The following MPEG1 variants were observed in gnomAD, a reference collection of about 807,000 sequenced individuals.
MPEG1 encodes macrophage expressed 1, also known as macrophage-expressed gene 1 protein.
For missense variants in MPEG1, 876 were observed against 880.3 expected (o/e 1.00, Z 0.06); for synonymous variants, 365 against 351.9 (o/e 1.04, Z -0.42).
At position 59,211,633 on chromosome 11, in the gene MPEG1, G is replaced by T; in HGVS notation, c.1233C>A (p.Ser411=). 2 of 1,614,214 alleles carry T rather than the reference G, an allele frequency of 1.2e-6. No individual in the cohort carries two copies. Among genetic ancestry groups the T allele is most frequent in the Non-Finnish European group, 1.7e-6 (2 of 1,180,038 alleles). Residue 411 remains serine (S), a synonymous_variant, in exon 1 of 1, where the codon TCC becomes TCA. Transcript: ENST00000361050. Reference sequence around the variant, plus strand: ...GCACCGGGGAGTAGCCAGAGGGGCAGGAGAAATCACCAGTGAGTGGATTCT... The same window carrying T: ...GCACCGGGGAGTAGCCAGAGGGGCATGAGAAATCACCAGTGAGTGGATTCT... The part of the protein sequence containing the change: ...EQKNPLTGDF[S]CPSGYSPVHL...
Position 59,211,399 on chromosome 11 carries a change from G to T in MPEG1, c.1467C>A (p.Asn489Lys), listed in dbSNP as rs1862889134. The change falls in exon 1 of 1, where the codon AAC becomes AAA. Residue 489 changes from asparagine (N) to lysine (K), a missense_variant. By Grantham distance (94) the Asn-to-Lys change is moderately conservative. Coordinates refer to ENST00000361050, the MANE Select transcript of MPEG1 (RefSeq NM_001039396.2). ...GGCATGACTGTGCATTTGTCATGGGGTTTATGCTCTTGCTGCTGAAGAGGC... is the reference window on the plus strand; with the variant it reads ...GGCATGACTGTGCATTTGTCATGGGTTTTATGCTCTTGCTGCTGAAGAGGC... ...FGGLFSSKSINPMTNAQSCPA... is the reference protein window; with the variant it reads ...FGGLFSSKSIKPMTNAQSCPA... The T allele has an allele frequency of 6.2e-7, 1 of 1,614,200 alleles. No individual in the cohort carries two copies. Among genetic ancestry groups the T allele is most frequent in the Non-Finnish European group, 8.5e-7 (1 of 1,180,044 alleles).
Position 59,210,891 on chromosome 11 carries a change from C to T in MPEG1, c.1975G>A (p.Gly659Arg), listed in dbSNP as rs1192026833. 1.2e-6 allele frequency: 2 copies of T among 1,614,186 alleles called. No homozygotes were observed. Among genetic ancestry groups the T allele is most frequent in the Non-Finnish European group, 1.7e-6 (2 of 1,180,032 alleles). ...ATGGTGGTGACCCCCACTGTGACCCCAGCTGCAGCCCCTCCTGACAGACCA... is the reference window on the plus strand; with the variant it reads ...ATGGTGGTGACCCCCACTGTGACCCTAGCTGCAGCCCCTCCTGACAGACCA... ...GGGLSGGAAAGVTVGVTTILA... is the reference protein window; with the variant it reads ...GGGLSGGAAARVTVGVTTILA... Residue 659 changes from glycine (G) to arginine (R), a missense_variant, in exon 1 of 1, where the codon GGG (glycine) becomes AGG (arginine). Transcript: ENST00000361050.
Position 59,211,063 on chromosome 11 carries a change from G to A in MPEG1, c.1803C>T (p.Leu601=). The A allele has an allele frequency of 6.2e-7, 1 of 1,614,222 alleles. No individual in the cohort carries two copies. Among genetic ancestry groups the A allele is most frequent in the Admixed American group, 1.7e-5 (1 of 60,028 alleles). The change falls in exon 1 of 1, where the codon CTC becomes CTT. Residue 601 remains leucine (L), a synonymous_variant. Transcript: ENST00000361050. The part of the protein sequence containing the change: ...ARLPPFTRPP[L]MSQAATNTVI... ...CAGTATTGGTGGCAGCCTGACTCAT[G>A]AGGGGTGGCCGGGTGAAAGGTGGGA...
rs376844389 is a variant in MPEG1, at chr11:59,210,828, G to A, written c.2038C>T (p.Arg680Trp). 5.9e-5 allele frequency: 95 copies of A among 1,613,922 alleles called. No individual in the cohort carries two copies. The highest frequency in any genetic ancestry group is 8.9e-5 in the East Asian group (4 of 44,884). The change falls in exon 1 of 1, where the codon CGG becomes TGG. Residue 680 changes from arginine to tryptophan, a missense_variant. Physicochemically the swap from Arg to Trp is moderately radical, Grantham distance 101. Transcript: ENST00000361050. ...TGATATGCTTTCTTCTTGAACTTCC[G>A]GGTGCCGTAGATGGCCAAGGTGATA... ...VVITLAIYGT[R>W]KFKKKAYQAI...
chr11:59,211,191 C>G lies in MPEG1; in HGVS notation c.1675G>C (p.Gly559Arg). 6.2e-7 allele frequency: 1 copy of G among 1,614,144 alleles called. No individual in the cohort carries two copies. Among genetic ancestry groups the G allele is most frequent in the Non-Finnish European group, 8.5e-7 (1 of 1,180,032 alleles). The change falls in exon 1 of 1, where the codon GGG (glycine) becomes CGG (arginine). Residue 559 changes from glycine to arginine, a missense_variant. Physicochemically the swap from Gly to Arg is moderately radical, Grantham distance 125 (BLOSUM62 -2). Transcript: ENST00000361050. ...AGGGCTGGGTGCTGGCTGAAGCCCC[C>G]GGGGCACTTTTTCAGAGACGGTGCC... ...LGAPSLKKCP[G>R]GFSQHPALIS... is the part of the protein sequence containing the mutation.
In MPEG1 at chr11:59,212,673, A is replaced by G. The variant is rs774096200; in HGVS notation, c.193T>C (p.Leu65=). The change falls in exon 1 of 1, where the codon TTG becomes CTG. Residue 65 remains leucine, a synonymous_variant. Transcript: ENST00000361050. ...RNVDMGRVME[L]TYSNCRTTED... is the part of the protein sequence containing the mutation. ...GTTGTCCTGCAGTTGGAGTAAGTCAATTCCATAACTCGTCCCATGTCCACA... is the reference window on the plus strand; with the variant it reads ...GTTGTCCTGCAGTTGGAGTAAGTCAGTTCCATAACTCGTCCCATGTCCACA... The G allele has an allele frequency of 1.2e-6, 2 of 1,614,198 alleles. No homozygotes were observed. Among genetic ancestry groups the G allele is most frequent in the Non-Finnish European group, 1.7e-6 (2 of 1,180,040 alleles).
Position 59,212,724 on chromosome 11 carries a change from C to G in MPEG1, c.142G>C (p.Gly48Arg). 6.2e-7 allele frequency: 1 copy of G among 1,614,228 alleles called. No individual in the cohort carries two copies. Among genetic ancestry groups the G allele is most frequent in the South Asian group, 1.1e-5 (1 of 91,082 alleles). ...LKLPVLEVLP[G>R]GGWDNLRNVD... ...TTCCGCAGATTGTCCCAGCCCCCTCCAGGTAGGACTTCCAGGACAGGTAGT... is the reference window on the plus strand; with the variant it reads ...TTCCGCAGATTGTCCCAGCCCCCTCGAGGTAGGACTTCCAGGACAGGTAGT... The change falls in exon 1 of 1, where the codon GGA (glycine) becomes CGA (arginine). Residue 48 changes from glycine (G) to arginine (R), a missense_variant. Coordinates refer to ENST00000361050, the MANE Select transcript of MPEG1 (RefSeq NM_001039396.2).
Position 59,211,465 on chromosome 11 carries a change from G to C in MPEG1, c.1401C>G (p.Ala467=). 11 of 1,614,180 alleles carry C rather than the reference G, an allele frequency of 6.8e-6. No individual in the cohort carries two copies. The South Asian group carries it at 1.2e-4, about 18-fold the overall frequency. ...KAEFRAFWCV[A]SSQVPENSGL... ...CTGAGTTTTCAGGTACTTGGCTGCT[G>C]GCCACACACCAAAAAGCCCTAAATT... The change falls in exon 1 of 1, where the codon GCC becomes GCG. Residue 467 remains alanine, a synonymous_variant. Transcript: ENST00000361050.
chr11:59,212,179 G>T lies in MPEG1; in HGVS notation c.687C>A (p.Ser229Arg). 6.2e-7 allele frequency: 1 copy of T among 1,614,084 alleles called. No homozygotes were observed. Among genetic ancestry groups the T allele is most frequent in the South Asian group, 1.1e-5 (1 of 91,086 alleles). Residue 229 changes from serine to arginine, a missense_variant, in exon 1 of 1, where the codon AGC (serine) becomes AGA (arginine). Physicochemically the swap from Ser to Arg is moderately radical, Grantham distance 110. Transcript: ENST00000361050. Reference protein sequence around the residue: ...DHLRASFLQDSQSSRSAVTAS... With the variant: ...DHLRASFLQDRQSSRSAVTAS... Reference sequence around the variant, plus strand: ...CGGTCACGGCACTACGACTGCTCTGGCTGTCTTGGAGGAAGGAGGCCCTGA... The same window carrying T: ...CGGTCACGGCACTACGACTGCTCTGTCTGTCTTGGAGGAAGGAGGCCCTGA...
In MPEG1 at chr11:59,212,643, C is replaced by T. The variant is rs751800564; in HGVS notation, c.223G>A (p.Asp75Asn). 4.3e-6 allele frequency: 7 copies of T among 1,614,212 alleles called. No homozygotes were observed. The South Asian group carries it at 7.7e-5, about 18-fold the overall frequency. ...TCATCAGGGATGATATACTGTCCAT[C>T]CTCTGTTGTCCTGCAGTTGGAGTAA... ...LTYSNCRTTE[D>N]GQYIIPDEIF... The change falls in exon 1 of 1, where the codon GAT (aspartate) becomes AAT (asparagine). Residue 75 changes from aspartate to asparagine, a missense_variant. Asp to Asn is a conservative substitution (Grantham distance 23). Coordinates refer to ENST00000361050, the MANE Select transcript of MPEG1 (RefSeq NM_001039396.2).
Position 59,212,847 on chromosome 11 carries a change from T to A in MPEG1, c.19A>T (p.Thr7Ser). Reference protein sequence around the residue: MNNFRATILFWAAAAWA... With the variant: MNNFRASILFWAAAAWA... ...GCTGCCGCTGCCCAGAAGAGGATGG[T>A]GGCCCTGAAGTTGTTCATGGCTCAG... Residue 7 changes from threonine (T) to serine (S), a missense_variant, in exon 1 of 1, where the codon ACC becomes TCC. By Grantham distance (58) the Thr-to-Ser change is moderately conservative. Coordinates refer to ENST00000361050, the MANE Select transcript of MPEG1 (RefSeq NM_001039396.2). 6.2e-7 allele frequency: 1 copy of A among 1,613,864 alleles called. No individual in the cohort carries two copies. Among genetic ancestry groups the A allele is most frequent in the Non-Finnish European group, 8.5e-7 (1 of 1,179,840 alleles).
Position 59,211,474 on chromosome 11 carries a change from C to G in MPEG1, c.1392G>C (p.Trp464Cys). 2.5e-6 allele frequency: 4 copies of G among 1,614,188 alleles called. No individual in the cohort carries two copies. Among genetic ancestry groups the G allele is most frequent in the Non-Finnish European group, 3.4e-6 (4 of 1,180,028 alleles). ...QVAKAEFRAF[W>C]CVASSQVPEN... Reference sequence around the variant, plus strand: ...CAGGTACTTGGCTGCTGGCCACACACCAAAAAGCCCTAAATTCAGCTTTTG... The same window carrying G: ...CAGGTACTTGGCTGCTGGCCACACAGCAAAAAGCCCTAAATTCAGCTTTTG... Residue 464 changes from tryptophan (W) to cysteine (C), a missense_variant, in exon 1 of 1, where the codon TGG (tryptophan) becomes TGC (cysteine). By Grantham distance (215) the Trp-to-Cys change is radical. Coordinates refer to ENST00000361050, the MANE Select transcript of MPEG1 (RefSeq NM_001039396.2).
rs569388941 is a variant in MPEG1 at position 59,211,008 on chromosome 11, A to G, written c.1858T>C (p.Ser620Pro). The G allele has an allele frequency of 6.2e-7, 1 of 1,613,996 alleles. No individual in the cohort carries two copies. The highest frequency in any genetic ancestry group is 1.3e-5 in the African/African-American group (1 of 74,960). ...TGGGTCTGGGAGTCTTTAATCCAGG[A>G]TCTCGCATTCTCAGAATTGGTCACT... is the stretch of plus-strand genomic sequence containing the variant. ...VIVTNSENAR[S>P]WIKDSQTHQW... Residue 620 changes from serine to proline, a missense_variant, in exon 1 of 1, where the codon TCC (serine) becomes CCC (proline). By Grantham distance (74) the Ser-to-Pro change is moderately conservative (BLOSUM62 -1). Transcript: ENST00000361050.
chr11:59,211,229 G>A lies in MPEG1; in HGVS notation c.1637C>T (p.Ser546Phe). ...CAGAGACGGTGCCCCTAAATCTCTG[G>A]ATATAGCAGGATCTACCAGGGGGTT... is the stretch of plus-strand genomic sequence containing the variant. ...VGNPLVDPAISRDLGAPSLKK... is the reference protein window; with the variant it reads ...VGNPLVDPAIFRDLGAPSLKK... Residue 546 changes from serine (S) to phenylalanine (F), a missense_variant, in exon 1 of 1, where the codon TCC becomes TTC. Physicochemically the swap from Ser to Phe is radical, Grantham distance 155 (BLOSUM62 -2). Coordinates refer to ENST00000361050, the MANE Select transcript of MPEG1 (RefSeq NM_001039396.2). The A allele has an allele frequency of 2.5e-6, 4 of 1,614,118 alleles. No individual in the cohort carries two copies. The highest frequency in any genetic ancestry group is 3.4e-6 in the Non-Finnish European group (4 of 1,180,026).
chr11:59,212,603 G>A lies in MPEG1; in HGVS notation c.263C>T (p.Pro88Leu), dbSNP rs759231214. 1.2e-5 allele frequency: 19 copies of A among 1,614,168 alleles called. No homozygotes were observed. The East Asian group carries it at 2.9e-4, about 25-fold the overall frequency. ...CATCTCCAGGTTGCTCTGTTTCTGG[G>A]GAATGGTGAAGATTTCATCAGGGAT... Reference protein sequence around the residue: ...YIIPDEIFTIPQKQSNLEMNS... With the variant: ...YIIPDEIFTILQKQSNLEMNS... Residue 88 changes from proline (P) to leucine (L), a missense_variant, in exon 1 of 1, where the codon CCC becomes CTC. By Grantham distance (98) the Pro-to-Leu change is moderately conservative. Transcript: ENST00000361050.
rs746952212 is a variant in MPEG1, at chr11:59,211,132, G to T, written c.1734C>A (p.Val578=). 3.5e-5 allele frequency: 56 copies of T among 1,614,090 alleles called. 1 individual carries two copies. The Admixed American group carries it at 9.2e-4, about 26-fold the overall frequency. Residue 578 remains valine, a synonymous_variant, in exon 1 of 1, where the codon GTC becomes GTA. Transcript: ENST00000361050. ...ACCCTCCTGTGAAGAGCCCGGATTT[G>T]ACGCAATAGGACACTTGGCATCCAT... ...ISDGCQVSYC[V]KSGLFTGGSL...
Position 59,212,500 on chromosome 11 carries a change from A to G in MPEG1, c.366T>C (p.Phe122=). 1 of 1,614,182 alleles carries G rather than the reference A, an allele frequency of 6.2e-7. No individual in the cohort carries two copies. The highest frequency in any genetic ancestry group is 8.5e-7 in the Non-Finnish European group (1 of 1,180,042). ...TGGAAAACTTGCCATTGACTTTGGA[A>G]AAAAGAGAGAGTTCTGTGTTGATGG... ...SYSINTELSL[F]SKVNGKFSTE... Residue 122 remains phenylalanine, a synonymous_variant, in exon 1 of 1, where the codon TTT becomes TTC. Transcript: ENST00000361050.
chr11:59,210,462 C>A lies in MPEG1; in HGVS notation c.*253G>T. 1 of 503,034 alleles carries A rather than the reference C, an allele frequency of 2.0e-6. No homozygotes were observed. The highest frequency in any genetic ancestry group is 3.5e-6 in the Non-Finnish European group (1 of 283,206). 31.2% of individuals were successfully genotyped at this position (503,034 alleles called of 1,614,324 possible). On this transcript the variant is annotated 3_prime_UTR_variant, in exon 1 of 1. Transcript: ENST00000361050. Reference sequence around the variant, plus strand: ...CACAAATGCATTCAGGTGAAGACAGCAACACACATTGGGAAAGGACATCTG... The same window carrying A: ...CACAAATGCATTCAGGTGAAGACAGAAACACACATTGGGAAAGGACATCTG...
Position 59,210,625 on chromosome 11 carries a change from T to G in MPEG1, c.*90A>C. The G allele has an allele frequency of 1.7e-6, 2 of 1,168,214 alleles. No individual in the cohort carries two copies. The highest frequency in any genetic ancestry group is 2.5e-6 in the Non-Finnish European group (2 of 807,314). 72.4% of individuals were successfully genotyped at this position (1,168,214 alleles called of 1,614,324 possible). A position where few individuals can be genotyped will look rare whatever the true frequency, so the allele number is the denominator to read the frequency against. ...AAGAAGTCACGAATATACCTACTTT[T>G]GGTTGCACTTGCCATTTCAATGCTT... On this transcript the variant is annotated 3_prime_UTR_variant, in exon 1 of 1. Transcript: ENST00000361050.
Sources: allele counts gnomAD v4.1 joint callset, GRCh38; gene constraint gnomAD v4.1.1; transcripts MANE v1.5; gene names NCBI Gene and HGNC (gene_info 2026-07-23, HGNC 2026-07-21).